The following NUP85 variants were observed in gnomAD, a reference collection of about 807,000 sequenced individuals.
The protein encoded by NUP85 is nucleoporin 85.
In NUP85, 23 loss-of-function variants were observed where a neutral mutation model predicts 92.8. That is an observed-to-expected ratio of 0.25 (90% confidence interval 0.18 to 0.35). The LOEUF (loss-of-function observed/expected upper bound fraction) is 0.35, where lower values mean the gene tolerates loss of function less well. NUP85 is among the 10% of genes least tolerant of loss of function. The pLI is 1.00. For synonymous variants in NUP85, 314 were observed against 306.9 expected (o/e 1.02, Z -0.24); for missense variants, 759 against 822.8 (o/e 0.92, Z 0.95).
intron 6 of NUP85, 135 bp downstream of exon 6, chr17:75,215,958 T>G: frequency 1.2e-6 from 1 of 803,062 alleles, no homozygotes; most frequent in Non-Finnish European, 2.0e-6. Context: ...CCACGGGAAG[T>G]CGTTAGAAAA....
Position 75,231,168 on chromosome 17 carries a change from A to G in NUP85, c.1095-172A>G, listed in dbSNP as rs2076042873. 7.6e-6 allele frequency: 5 copies of G among 655,722 alleles called. No homozygotes were observed. The highest frequency in any genetic ancestry group is 1.4e-5 in the Non-Finnish European group (5 of 368,934). 40.6% of individuals were successfully genotyped at this position (655,722 alleles called of 1,614,324 possible). A position where few individuals can be genotyped will look rare whatever the true frequency, so the allele number is the denominator to read the frequency against. ...GGTCTTAAATTCCTGGACTCAGGTG[A>G]TCTGCCTGCCTTGGCCTCCCAAAGT... On this transcript the variant is annotated intron_variant, in intron 11 of 18. Coordinates refer to ENST00000245544, the MANE Select transcript of NUP85 (RefSeq NM_024844.5). The surrounding 1 kb of genome is among the most constrained non-coding windows in gnomAD (Gnocchi z 4.6).
Position 75,220,517 on chromosome 17 carries a change from GTCC to G in NUP85, c.597+2216_597+2218del, listed in dbSNP as rs1345357074. 1.9e-4 allele frequency among the ~76,000 whole-genome samples: 29 copies of G among 151,450 alleles called. 1 individual carries two copies. The highest frequency in any genetic ancestry group is 2.8e-4 in the Non-Finnish European group (19 of 67,898). Reference sequence around the variant, plus strand: ...AGCCTTGGCCTCCAGGTCTCCAGTGGTCCTCCTACTTTAGCCTCCCAAGTAGCT... The same window carrying G: ...AGCCTTGGCCTCCAGGTCTCCAGTGGTCCTACTTTAGCCTCCCAAGTAGCT... On this transcript the variant is annotated intron_variant, in intron 7 of 18. Coordinates refer to ENST00000245544, the MANE Select transcript of NUP85 (RefSeq NM_024844.5).
At chr17:75,213,012 A>G in intron 4 of NUP85, 64 bp from the exon 5 acceptor site, 3 of 1,453,222 alleles carry the variant, frequency 2.1e-6, no homozygotes, top group Non-Finnish European at 2.9e-6. Flanking sequence ...ACCCTGGAAT[A>G]TTCAGCTATG....
intron 6 of NUP85, among the ~76,000 whole-genome samples, chr17:75,217,545 C>T (rs1223250382): frequency 1.3e-5 from 2 of 151,992 alleles, no homozygotes; most frequent in South Asian, 2.1e-4. Flanking sequence ...AGTCTCACTC[C>T]GTCACCCAGG....
chr17:75,218,422 T>A, intron 7 of NUP85, 116 bp downstream of exon 7: 2 of 1,240,604 alleles, frequency 1.6e-6, no homozygotes, highest in Non-Finnish European at 2.3e-6. Context: ...TGGAGTCTGT[T>A]ACTATGGAGA....
In NUP85 at chr17:75,235,133, A is replaced by G. The variant is rs1476221545; in HGVS notation, c.1801A>G (p.Met601Val). The G allele has an allele frequency of 6.2e-7, 1 of 1,614,152 alleles. No individual in the cohort carries two copies. The change falls in exon 18 of 19, where the codon ATG becomes GTG. Residue 601 changes from methionine (M) to valine (V), a missense_variant. Met to Val is a conservative substitution (Grantham distance 21). Transcript: ENST00000245544. ...CTCAGCAGAACAGACTTATGAGTTG[A>G]TGCGGTGTCTGGAGGACTTGACGTC... is the stretch of plus-strand genomic sequence containing the variant. ...IFSAEQTYELMRCLEDLTSRR... is the reference protein window; with the variant it reads ...IFSAEQTYELVRCLEDLTSRR...
intron 4 of NUP85, among the ~76,000 whole-genome samples, chr17:75,212,303 C>CT (rs554071208): frequency 1.0e-3 from 114 of 109,838 alleles, no homozygotes; most frequent in Non-Finnish European, 1.6e-3. Flanking sequence ...GAGTGTTGCT[C>CT]TGTCGCCCAG....
chr17:75,229,978 C>T (rs1306437884), intron 11 of NUP85, among the ~76,000 whole-genome samples: 1 of 152,122 alleles, frequency 6.6e-6, no homozygotes, highest in East Asian at 1.9e-4. Flanking sequence ...CCCACTCCCT[C>T]CCATTTTTTT....
chr17:75,233,397 CTCTT>C (rs2076162776), intron 16 of NUP85, among the ~76,000 whole-genome samples: 3 of 139,848 alleles, frequency 2.1e-5, no homozygotes, highest in South Asian at 2.4e-4. Context: ...CTTTCTCTTT[CTCTT>C]TCTCTTTCTT....
intron 1 of NUP85, chr17:75,208,207 G>A (rs976088713): frequency 5.8e-5 from 15 of 257,424 alleles, no homozygotes; most frequent in Middle Eastern, 1.3e-3. Context: ...AGGCTGAGGC[G>A]GACGGATCAC....
rs757155229 is a variant in NUP85 at position 75,233,132 on chromosome 17, T to C, written c.1589T>C (p.Met530Thr). 1.4e-5 allele frequency: 22 copies of C among 1,614,064 alleles called. No individual in the cohort carries two copies. The highest frequency in any genetic ancestry group is 1.8e-5 in the Non-Finnish European group (21 of 1,180,036). Residue 530 changes from methionine to threonine, a missense_variant, in exon 16 of 19, where the codon ATG (methionine) becomes ACG (threonine). Met to Thr is a moderately conservative substitution (Grantham distance 81). Transcript: ENST00000245544. Reference sequence around the variant, plus strand: ...ATTGACAACCTGGGGCCAGCCATGATGCTCAGTGACCGACTGACATTCCTG... The same window carrying C: ...ATTGACAACCTGGGGCCAGCCATGACGCTCAGTGACCGACTGACATTCCTG... Reference protein sequence around the residue: ...DLIDNLGPAMMLSDRLTFLGK... With the variant: ...DLIDNLGPAMTLSDRLTFLGK...
intron 4 of NUP85, 72 bp from the exon 5 acceptor site, chr17:75,213,004 C>A: frequency 7.3e-7 from 1 of 1,379,168 alleles, no homozygotes; most frequent in South Asian, 1.2e-5. Flanking sequence ...AGCCATAGAC[C>A]CTGGAATATT....
chr17:75,225,171 C>T lies in NUP85; in HGVS notation c.666C>T (p.Ala222=), dbSNP rs200412568. The T allele has an allele frequency of 1.2e-6, 2 of 1,606,390 alleles. No individual in the cohort carries two copies. Among genetic ancestry groups the T allele is most frequent in the Admixed American group, 3.4e-5 (2 of 59,458 alleles). The change falls in exon 8 of 19, where the codon GCC becomes GCT. Residue 222 remains alanine, a synonymous_variant. Coordinates refer to ENST00000245544, the MANE Select transcript of NUP85 (RefSeq NM_024844.5). ...AGATGCTCTCCAAGGAAGCCGATGCCAGCCCCGCCTCTGCAGGCATATGCC... is the reference window on the plus strand; with the variant it reads ...AGATGCTCTCCAAGGAAGCCGATGCTAGCCCCGCCTCTGCAGGCATATGCC... The part of the protein sequence containing the change: ...ARQMLSKEAD[A]SPASAGICRI...
At chr17:75,211,771 A>G (rs2075266582) in intron 3 of NUP85, among the ~76,000 whole-genome samples, 1 of 152,112 alleles carries the variant, frequency 6.6e-6, no homozygotes, top group African/African-American at 2.4e-5. Context: ...GCAACAATTA[A>G]TGGCAGTATG....
chr17:75,214,895 G>T (rs1423987705), intron 5 of NUP85, among the ~76,000 whole-genome samples: 1 of 151,660 alleles, frequency 6.6e-6, no homozygotes, highest in Non-Finnish European at 1.5e-5. Context: ...GTGTTGGCAG[G>T]GCACGGTGGC....
At chr17:75,206,278 G>A (rs2075077915) in intron 1 of NUP85, among the ~76,000 whole-genome samples, 1 of 152,032 alleles carries the variant, frequency 6.6e-6, no homozygotes, top group Admixed American at 6.6e-5. Flanking sequence ...TGTCAACTGT[G>A]GATGATCTGT....
chr17:75,217,908 A>C (rs1421030312), intron 6 of NUP85, among the ~76,000 whole-genome samples: 4 of 152,084 alleles, frequency 2.6e-5, no homozygotes, highest in Admixed American at 2.6e-4. Context: ...ATTTGTGAAG[A>C]ATCTGGAGTG....
chr17:75,230,421 G>A (rs1417438463), intron 11 of NUP85, among the ~76,000 whole-genome samples: 8 of 149,712 alleles, frequency 5.3e-5, no homozygotes, highest in Non-Finnish European at 1.0e-4. Context: ...GTACAATGGC[G>A]CGATCTCGTC....
At chr17:75,219,981 A>T (rs1247431860) in intron 7 of NUP85, among the ~76,000 whole-genome samples, 1 of 152,098 alleles carries the variant, frequency 6.6e-6, no homozygotes, top group Admixed American at 6.5e-5. Context: ...GAGCGATACC[A>T]GGCCAGGTCT....
Sources: allele counts gnomAD v4.1 joint callset (sites outside exome capture counted in the v4.1 genomes callset), GRCh38; gene constraint gnomAD v4.1.1; non-coding constraint Gnocchi (gnomAD v3.1); transcripts MANE v1.5; gene names NCBI Gene and HGNC (gene_info 2026-07-23, HGNC 2026-07-21).